Variants in CERS6 observed in about 807,000 individuals in gnomAD.
CERS6 encodes LAG1 homolog, ceramide synthase 6.
A neutral mutation model predicts 56.8 loss-of-function variants in CERS6; 26 were observed. The ratio of observed to expected loss-of-function variants is 0.46; its 90% CI spans 0.34 to 0.63. The LOEUF (loss-of-function observed/expected upper bound fraction) is 0.63. Ranked by LOEUF, CERS6 falls within the 30% of genes least tolerant of loss-of-function variation. The pLI, the probability that CERS6 is intolerant of heterozygous loss-of-function variation, is 0.01. For synonymous variants in CERS6, 164 were observed against 173.3 expected (o/e 0.95, Z 0.42); for missense variants, 415 against 467.5 (o/e 0.89, Z 1.04).
chr2:168,747,286 A>G (rs1684136390), intron 8 of CERS6, among the ~76,000 whole-genome samples: 2 of 108,552 alleles, frequency 1.8e-5, no homozygotes, highest in African/African-American at 6.7e-5. Context: ...ACCCTGTCTC[A>G]ACAAATTTTT....
intron 3 of CERS6, among the ~76,000 whole-genome samples, chr2:168,619,164 A>G (rs1226444651): frequency 2.6e-5 from 4 of 152,234 alleles, no homozygotes. Context: ...AGCCACATGT[A>G]GGAGAATGAA....
At chr2:168,714,731 A>G (rs1329717619) in intron 6 of CERS6, among the ~76,000 whole-genome samples, 1 of 152,186 alleles carries the variant, frequency 6.6e-6, no homozygotes, top group Non-Finnish European at 1.5e-5. Flanking sequence ...TGACACAGCT[A>G]GAAGTCACCA....
chr2:168,688,925 G>T (rs1056448991), intron 4 of CERS6, among the ~76,000 whole-genome samples: 7 of 152,174 alleles, frequency 4.6e-5, no homozygotes, highest in African/African-American at 1.7e-4. Context: ...GGTTTTAGAA[G>T]ACTAATCAGC....
intron 2 of CERS6, among the ~76,000 whole-genome samples, chr2:168,554,868 A>G (rs1049312823): frequency 1.3e-4 from 20 of 152,322 alleles, no homozygotes; most frequent in African/African-American, 4.8e-4. Flanking sequence ...TTGTCAGAGG[A>G]TACAATTCAT....
chr2:168,732,043 A>G (rs1683554282), intron 8 of CERS6, among the ~76,000 whole-genome samples: 1 of 152,220 alleles, frequency 6.6e-6, no homozygotes. Context: ...GTGAAGAGGT[A>G]GGGAAGAAAC....
chr2:168,484,755 C>T (rs1694245462), intron 1 of CERS6, among the ~76,000 whole-genome samples: 1 of 151,932 alleles, frequency 6.6e-6, no homozygotes, highest in South Asian at 2.1e-4. Flanking sequence ...CCAAATTTTT[C>T]TCATTAGAGG....
intron 1 of CERS6, among the ~76,000 whole-genome samples, chr2:168,528,352 A>C (rs902650697): frequency 6.6e-6 from 1 of 152,204 alleles, no homozygotes; most frequent in Admixed American, 6.5e-5. Flanking sequence ...CCCCCTCATC[A>C]GGGGTCTGGG....
intron 3 of CERS6, among the ~76,000 whole-genome samples, chr2:168,579,849 G>A (rs572030257): frequency 6.6e-6 from 1 of 152,118 alleles, no homozygotes; most frequent in Non-Finnish European, 1.5e-5. Flanking sequence ...TGCTTGCTGG[G>A]CTCGTTCCTG....
chr2:168,606,982 T>A (rs568830290), intron 3 of CERS6, among the ~76,000 whole-genome samples: 35 of 152,348 alleles, frequency 2.3e-4, no homozygotes, highest in Non-Finnish European at 1.5e-5. Flanking sequence ...AAGAAGCAGA[T>A]GCTGCTGTGG....
intron 1 of CERS6, among the ~76,000 whole-genome samples, chr2:168,488,355 T>G (rs1454486429): frequency 1.3e-5 from 2 of 152,190 alleles, no homozygotes; most frequent in Non-Finnish European, 2.9e-5. Flanking sequence ...TGGATGAAAT[T>G]AATATAGCCA....
chr2:168,566,130 A>G (rs944148972), intron 3 of CERS6, among the ~76,000 whole-genome samples: 1 of 152,214 alleles, frequency 6.6e-6, no homozygotes, highest in African/African-American at 2.4e-5. Flanking sequence ...ATTTTTGAGT[A>G]TCGTGCAGTA....
chr2:168,714,737 C>T (rs1390433419), intron 6 of CERS6, among the ~76,000 whole-genome samples: 3 of 152,160 alleles, frequency 2.0e-5, no homozygotes, highest in African/African-American at 7.2e-5. Context: ...AGCTAGAAGT[C>T]ACCATCTATG....
intron 6 of CERS6, among the ~76,000 whole-genome samples, chr2:168,711,931 C>T (rs758927317): frequency 1.4e-5 from 2 of 147,178 alleles, no homozygotes; most frequent in Non-Finnish European, 3.0e-5. Flanking sequence ...ATAGAAATTG[C>T]CTTAACCACA....
chr2:168,558,404 C>G (rs1257499322), intron 2 of CERS6, among the ~76,000 whole-genome samples: 1 of 151,926 alleles, frequency 6.6e-6, no homozygotes, highest in Non-Finnish European at 1.5e-5. Context: ...TACAGCTCTA[C>G]AAAAGAATAA....
chr2:168,482,625 G>A (rs1297572757), intron 1 of CERS6, among the ~76,000 whole-genome samples: 1 of 152,230 alleles, frequency 6.6e-6, no homozygotes, highest in African/African-American at 2.4e-5. Flanking sequence ...GGAAGGATTT[G>A]CTAAGAGAAA....
In CERS6 at chr2:168,593,763, A is replaced by G. The variant is rs549642555; in HGVS notation, c.407+32441A>G. Among the ~76,000 whole-genome samples the G allele has an allele frequency of 3.3e-5, 5 of 152,342 alleles. No individual in the cohort carries two copies. In the South Asian group the frequency reaches 1.0e-3, roughly 32 times the overall value. ...AGGTTCTAGTTTCCTTTTAGAACCT[A>G]ATAAAATATTTTTCCTAGAATAACC... On this transcript the variant is annotated intron_variant, in intron 3 of 9. Coordinates refer to ENST00000305747, the MANE Select transcript of CERS6 (RefSeq NM_203463.3).
At chr2:168,684,611 A>G (rs1326769464) in intron 4 of CERS6, among the ~76,000 whole-genome samples, 1 of 152,238 alleles carries the variant, frequency 6.6e-6, no homozygotes, top group Non-Finnish European at 1.5e-5. Flanking sequence ...GATATTGAAC[A>G]TTTAAAATTA....
At chr2:168,680,112 A>T (rs778256035) in intron 4 of CERS6, among the ~76,000 whole-genome samples, 1 of 152,220 alleles carries the variant, frequency 6.6e-6, no homozygotes, top group African/African-American at 2.4e-5. Context: ...AAAGCCAGCA[A>T]ACTAGAGCCT....
At chr2:168,705,422 CA>C (rs1232308587) in intron 6 of CERS6, among the ~76,000 whole-genome samples, 1 of 152,068 alleles carries the variant, frequency 6.6e-6, no homozygotes, top group East Asian at 1.9e-4. Context: ...TGCATAGAGA[CA>C]AGAAGCAGCT....
Sources: gnomAD v4.1 joint callset for allele counts (sites outside exome capture counted in the v4.1 genomes callset) on GRCh38, gnomAD v4.1.1 for gene constraint, MANE v1.5 for transcripts, NCBI Gene and HGNC (gene_info 2026-07-23, HGNC 2026-07-21) for gene names.